NCOA6: variants seen among roughly 807,000 people sequenced by gnomAD.
NCOA6 encodes the protein NRC RAP250.
Under a neutral mutation model 171.4 loss-of-function variants are expected in NCOA6, and 49 were observed. The observed-to-expected ratio is 0.29, with a 90% confidence interval of 0.23 to 0.36. The LOEUF (loss-of-function observed/expected upper bound fraction) is 0.36, where lower values mean the gene tolerates loss of function less well. Ranked by LOEUF, NCOA6 falls within the 10% of genes least tolerant of loss-of-function variation. NCOA6 has a pLI of 1.00. For synonymous variants in NCOA6, 910 were observed against 927.5 expected, an observed-to-expected ratio of 0.98 and a Z score of 0.34; for missense variants, 2,248 against 2,554.5, an observed-to-expected ratio of 0.88 and a Z score of 2.59.
At chr20:34,813,434 C>T (rs908299111) in intron 1 of NCOA6, among the ~76,000 whole-genome samples, 9 of 150,508 alleles carry the variant, frequency 6.0e-5, no homozygotes, top group Non-Finnish European at 8.8e-5. Flanking sequence ...CCACTGTATT[C>T]CAGTCTGGGC....
intron 4 of NCOA6, 98 bp downstream of exon 4, chr20:34,776,195 C>T (rs1600973260): frequency 6.9e-7 from 1 of 1,452,690 alleles, no homozygotes; most frequent in Non-Finnish European, 9.3e-7. Context: ...TTCTGAAACA[C>T]AAGAGCAGAG....
intron 4 of NCOA6, among the ~76,000 whole-genome samples, chr20:34,773,213 CA>C (rs1234425087): frequency 2.0e-5 from 3 of 152,262 alleles, no homozygotes; most frequent in Admixed American, 1.3e-4. Context: ...CCTGCAAAGC[CA>C]AAAATATTTA....
chr20:34,775,114 G>A (rs918131382), intron 4 of NCOA6, among the ~76,000 whole-genome samples: 6 of 152,168 alleles, frequency 3.9e-5, no homozygotes, highest in African/African-American at 1.4e-4. Context: ...GTGGCAGGAG[G>A]AAGAGAAAGC....
At chr20:34,774,312 T>C (rs1205141613) in intron 4 of NCOA6, among the ~76,000 whole-genome samples, 2 of 152,256 alleles carry the variant, frequency 1.3e-5, no homozygotes, top group Non-Finnish European at 2.9e-5. Context: ...CCACTTTTCC[T>C]AATAGTTCAT....
chr20:34,740,839 T>C lies in NCOA6; in HGVS notation c.5417A>G (p.Asn1806Ser). The C allele has an allele frequency of 6.2e-7, 1 of 1,614,258 alleles. No homozygotes were observed. Among genetic ancestry groups the C allele is most frequent in the Non-Finnish European group, 8.5e-7 (1 of 1,180,048 alleles). Residue 1806 changes from asparagine (N) to serine (S), a missense_variant, in exon 11 of 15, where the codon AAC (asparagine) becomes AGC (serine). This residue lies in a region of NCOA6 where 884 missense variants were observed against 941.9 expected (regional missense o/e 0.94). Coordinates refer to ENST00000359003, the MANE Select transcript of NCOA6 (RefSeq NM_014071.5). Reference protein sequence around the residue: ...LLTNSPGSSGNRRSPVSSSKG... With the variant: ...LLTNSPGSSGSRRSPVSSSKG... ...ACTAGACGAGACTGGGCTTCGCCGG[T>C]TGCCAGAGGACCCTGGACTATTGGT...
rs1377916451 is a variant in NCOA6, at chr20:34,771,691, G to T, written c.392-3105C>A. Reference sequence around the variant, plus strand: ...CCCAGTGTTTCCTTTTAGTTTCTTAGGCACACAAGGCTGCTTCTCACCCCA... The same window carrying T: ...CCCAGTGTTTCCTTTTAGTTTCTTATGCACACAAGGCTGCTTCTCACCCCA... On this transcript the variant is annotated intron_variant, in intron 4 of 14. Coordinates refer to ENST00000359003, the MANE Select transcript of NCOA6 (RefSeq NM_014071.5). Among the ~76,000 whole-genome samples, 4 of 152,160 alleles carry T rather than the reference G, an allele frequency of 2.6e-5. No homozygotes were observed. In the East Asian group the frequency reaches 7.7e-4, roughly 29 times the overall value.
At chr20:34,805,025 C>T (rs931855789) in intron 1 of NCOA6, among the ~76,000 whole-genome samples, 6 of 151,384 alleles carry the variant, frequency 4.0e-5, no homozygotes, top group African/African-American at 1.2e-4. Context: ...CTCTGTTCTA[C>T]TCTCTATTTC....
At position 34,741,115 on chromosome 20, in the gene NCOA6, G is replaced by A. The variant is rs570655118; in HGVS notation, c.5141C>T (p.Pro1714Leu). The A allele has an allele frequency of 1.8e-5, 29 of 1,614,214 alleles. No homozygotes were observed. The highest frequency in any genetic ancestry group is 2.7e-5 in the African/African-American group (2 of 75,046). The change falls in exon 11 of 15, where the codon CCG becomes CTG. Residue 1714 changes from proline (P) to leucine (L), a missense_variant. Physicochemically the swap from Pro to Leu is moderately conservative, Grantham distance 98. Transcript: ENST00000359003. ...AGGACTACTGGAGAGGGCATTAGGCGGTACAGGAGCAGAAGAAAATTTTAT... is the reference window on the plus strand; with the variant it reads ...AGGACTACTGGAGAGGGCATTAGGCAGTACAGGAGCAGAAGAAAATTTTAT... ...QNIKFSSAPV[P>L]PNALSSSPAP... is the part of the protein sequence containing the mutation.
intron 1 of NCOA6, among the ~76,000 whole-genome samples, chr20:34,823,128 C>A (rs62211619): frequency 0.046 from 6,970 of 152,126 alleles, 263 homozygotes; most frequent in Non-Finnish European, 0.081. Context: ...AATTGGTGTT[C>A]CTTATAATTC....
At chr20:34,746,684 A>C (rs1271169768) in intron 10 of NCOA6, 123 bp downstream of exon 10, 1 of 1,163,782 alleles carries the variant, frequency 8.6e-7, no homozygotes, top group African/African-American at 1.6e-5. Flanking sequence ...CAGACACATT[A>C]AATCACTGAA....
In NCOA6 at chr20:34,741,279, G is replaced by C; in HGVS notation, c.4977C>G (p.Val1659=). ...SNARPQFITP[V]FINSSSIIQV... ...GAATTATTGAGGATGAATTGATAAA[G>C]ACAGGTGTAATGAACTGAGGCCGGG... Residue 1659 remains valine (V), a synonymous_variant, in exon 11 of 15, where the codon GTC becomes GTG. Transcript: ENST00000359003. The C allele has an allele frequency of 6.2e-7, 1 of 1,614,214 alleles. No individual in the cohort carries two copies. Among genetic ancestry groups the C allele is most frequent in the Non-Finnish European group, 8.5e-7 (1 of 1,180,040 alleles).
chr20:34,799,653 C>T (rs992642412), intron 1 of NCOA6, among the ~76,000 whole-genome samples: 9 of 152,038 alleles, frequency 5.9e-5, no homozygotes, highest in African/African-American at 1.9e-4. Context: ...TGGCAGCAGA[C>T]GTTTTAGTGG....
At chr20:34,736,643 C>T (rs1462654956) in intron 12 of NCOA6, 47 bp downstream of exon 12, 1 of 1,496,748 alleles carries the variant, frequency 6.7e-7, no homozygotes, top group South Asian at 1.2e-5. Flanking sequence ...AGTTCCTTCA[C>T]ATGTAACCCA....
At chr20:34,748,077 T>C (rs930474512) in intron 9 of NCOA6, among the ~76,000 whole-genome samples, 11 of 152,112 alleles carry the variant, frequency 7.2e-5, no homozygotes, top group South Asian at 2.1e-4. Context: ...AAGGTCCCTT[T>C]CACAATTTGT....
At chr20:34,754,617 G>T in intron 8 of NCOA6, 105 bp downstream of exon 8, 1 of 1,321,926 alleles carries the variant, frequency 7.6e-7, no homozygotes, top group African/African-American at 1.5e-5. Flanking sequence ...TTGAAATTAA[G>T]GGGAGAGACC....
At chr20:34,817,134 A>AAAAAGC (rs1449831251) in intron 1 of NCOA6, among the ~76,000 whole-genome samples, 2 of 126,290 alleles carry the variant, frequency 1.6e-5, no homozygotes, top group Non-Finnish European at 3.6e-5. Context: ...CACACACACA[A>AAAAAGC]AAAAGCAAAA....
intron 4 of NCOA6, among the ~76,000 whole-genome samples, chr20:34,773,684 C>T (rs576736466): frequency 1.4e-4 from 21 of 152,286 alleles, no homozygotes; most frequent in Non-Finnish European, 2.2e-4. Flanking sequence ...CCACCATGCT[C>T]GGCTAATTTT....
intron 4 of NCOA6, among the ~76,000 whole-genome samples, chr20:34,769,710 CATAGGTA>C (rs1473646356): frequency 6.6e-6 from 1 of 151,986 alleles, no homozygotes; most frequent in African/African-American, 2.4e-5. Context: ...ACAGTACCCT[CATAGGTA>C]ATGTTACTAG....
intron 14 of NCOA6, among the ~76,000 whole-genome samples, chr20:34,725,128 CAT>C (rs1989809251): frequency 6.6e-6 from 1 of 152,140 alleles, no homozygotes; most frequent in Non-Finnish European, 1.5e-5. Context: ...CAGGGCCTGA[CAT>C]GTAGTAAATA....
Sources: allele counts gnomAD v4.1 joint callset (sites outside exome capture counted in the v4.1 genomes callset), GRCh38; gene constraint gnomAD v4.1.1; regional missense constraint gnomAD v4.1.1; transcripts MANE v1.5; gene names NCBI Gene and HGNC (gene_info 2026-07-23, HGNC 2026-07-21).